Variants in MAP4K1 observed in about 807,000 individuals in gnomAD.
MAP4K1 encodes MAPK/ERK kinase kinase kinase 1.
A neutral mutation model predicts 122.8 loss-of-function variants in MAP4K1; 35 were observed. That is an observed-to-expected ratio of 0.29 (90% CI 0.22 to 0.38). The LOEUF (loss-of-function observed/expected upper bound fraction) is 0.38. Among genes scored for constraint, MAP4K1 ranks in the 10% least tolerant of loss-of-function variants. The pLI, the probability that MAP4K1 is intolerant of heterozygous loss-of-function variation, is 1.00. For synonymous variants in MAP4K1, 412 were observed against 421.3 expected (o/e 0.98, Z 0.27); for missense variants, 791 against 1,072.6 (o/e 0.74, Z 3.67).
At chr19:38,604,128 CAAAAA>C (rs200072842) in intron 19 of MAP4K1, among the ~76,000 whole-genome samples, 5 of 53,522 alleles carry the variant, frequency 9.3e-5, no homozygotes, top group South Asian at 4.9e-4. Flanking sequence ...GATACTATCT[CAAAAA>C]AAAAAAAAAA....
chr19:38,601,725 TTG>T, intron 19 of MAP4K1, 200 bp from the exon 20 acceptor site: 4 of 554,896 alleles, frequency 7.2e-6, no homozygotes, highest in East Asian at 3.3e-5. Context: ...TTGTTTTTTT[TTG>T]TTGTTGTTAT....
chr19:38,603,195 CATAT>C (rs1345349858), intron 19 of MAP4K1, among the ~76,000 whole-genome samples: 2 of 147,600 alleles, frequency 1.4e-5, no homozygotes, highest in Admixed American at 6.8e-5. Flanking sequence ...TACGCATATA[CATAT>C]ATACACATAC....
rs2287731 is a variant in MAP4K1 at position 38,611,239 on chromosome 19, G to A, written c.728+4C>T. On this transcript the variant is annotated splice_donor_region_variant and intron_variant, in intron 10 of 30. Transcript: ENST00000396857. ...TCACCCTCCCTCCTGTTACTCTCTC[G>A]TACCATTTGCCTTTTTCCTTCAGTC... 0.048 allele frequency: 77,178 copies of A among 1,611,278 alleles called. 5,241 individuals are homozygous for A. The highest frequency in any genetic ancestry group is 0.26 in the East Asian group (11,458 of 44,772).
chr19:38,589,659 C>T (rs1974646257), intron 30 of MAP4K1, among the ~76,000 whole-genome samples: 1 of 152,100 alleles, frequency 6.6e-6, no homozygotes, highest in Admixed American at 6.6e-5. Flanking sequence ...AGGTGATCCA[C>T]CTGCCTCGGC....
At position 38,587,812 on chromosome 19, in the gene MAP4K1, A is replaced by G; in HGVS notation, c.2402T>C (p.Val801Ala). The G allele has an allele frequency of 1.3e-6, 2 of 1,588,944 alleles. No individual in the cohort carries two copies. Among genetic ancestry groups the G allele is most frequent in the Non-Finnish European group, 1.7e-6 (2 of 1,159,270 alleles). Reference sequence around the variant, plus strand: ...ATCCACTGGGCGTGTCTCCACCACTACAGGCCTGTGGAAGGAAGAGATAAG... The same window carrying G: ...ATCCACTGGGCGTGTCTCCACCACTGCAGGCCTGTGGAAGGAAGAGATAAG... ...TFRLLGSPRP[V>A]VVETRPVDDP... is the part of the protein sequence containing the mutation. The change falls in exon 31 of 31, where the codon GTA (valine) becomes GCA (alanine). Residue 801 changes from valine (V) to alanine (A), a missense_variant. Physicochemically the swap from Val to Ala is moderately conservative, Grantham distance 64. Around this residue, in one of 4 missense-constraint regions of MAP4K1, gnomAD observed 267 missense variants for 323.0 expected, o/e 0.83. Coordinates refer to ENST00000396857, the MANE Select transcript of MAP4K1 (RefSeq NM_001042600.3).
In MAP4K1 at chr19:38,608,167, C is replaced by T. The variant is rs868330468; in HGVS notation, c.1010G>A (p.Arg337Gln). 8.0e-6 allele frequency: 12 copies of T among 1,505,994 alleles called. No individual in the cohort carries two copies. The highest frequency in any genetic ancestry group is 2.8e-5 in the African/African-American group (2 of 70,800). The allele number at this position is 1,505,994 out of a possible 1,614,324, so 93.3% of individuals were successfully genotyped here. A position where few individuals can be genotyped will look rare whatever the true frequency, so the allele number is the denominator to read the frequency against. ...LGIPDADCCRRHMEFRKLRGM... is the reference protein window; with the variant it reads ...LGIPDADCCRQHMEFRKLRGM... ...TCGGAGCTTCCTGAACTCCATGTGC[C>T]GCCCTAGGGTGGGTGGGGGAAGATA... The change falls in exon 14 of 31, where the codon CGG becomes CAG. Residue 337 changes from arginine to glutamine, a missense_variant. By Grantham distance (43) the Arg-to-Gln change is conservative (BLOSUM62 1). Around this residue, in one of 4 missense-constraint regions of MAP4K1, gnomAD observed 303 missense variants for 344.8 expected, o/e 0.88. Transcript: ENST00000396857.
intron 4 of MAP4K1, among the ~76,000 whole-genome samples, chr19:38,615,432 T>C (rs781778116): frequency 7.4e-5 from 11 of 149,098 alleles, no homozygotes; most frequent in Non-Finnish European, 1.3e-4. Flanking sequence ...ACATGAGACA[T>C]ACAAAAGGAA....
At chr19:38,587,945 G>GT in intron 30 of MAP4K1, 128 bp from the exon 31 acceptor site, 1 of 719,454 alleles carries the variant, frequency 1.4e-6, no homozygotes, top group Non-Finnish European at 2.5e-6. Flanking sequence ...GGGCAGACAC[G>GT]GTCCCTGCCC....
rs1305043938 is a variant in MAP4K1, at chr19:38,610,031, G to A, written c.811-6C>T. ...GGCTGGGATACCAGTTGATGCTGGC[G>A]GAGGGAAGAGGTGTCCGTATCCAGA... On this transcript the variant is annotated splice_polypyrimidine_tract_variant and splice_region_variant and intron_variant, in intron 11 of 30. Coordinates refer to ENST00000396857, the MANE Select transcript of MAP4K1 (RefSeq NM_001042600.3). The A allele has an allele frequency of 1.3e-5, 21 of 1,592,344 alleles. No individual in the cohort carries two copies. Among genetic ancestry groups the A allele is most frequent in the Admixed American group, 5.0e-5 (3 of 59,938 alleles).
chr19:38,593,516 A>G (rs1046920956), intron 29 of MAP4K1, 179 bp from the exon 30 acceptor site: 3 of 461,028 alleles, frequency 6.5e-6, no homozygotes, highest in African/African-American at 6.1e-5. Flanking sequence ...CAGCCTGGCC[A>G]ACATGGCAAA....
At chr19:38,606,393 C>T (rs1325284570) in intron 16 of MAP4K1, among the ~76,000 whole-genome samples, 178 bp from the exon 17 acceptor site, 1 of 152,208 alleles carries the variant, frequency 6.6e-6, no homozygotes, top group East Asian at 1.9e-4. Context: ...GACATAGTGG[C>T]TCATGCCTGT....
chr19:38,600,886 A>C (rs772422731), intron 20 of MAP4K1, among the ~76,000 whole-genome samples: 6 of 147,028 alleles, frequency 4.1e-5, no homozygotes, highest in Non-Finnish European at 7.4e-5. Context: ...GCTCACTGCA[A>C]CTTCCGCCCC....
At chr19:38,595,161 T>C (rs1289901306) in intron 29 of MAP4K1, among the ~76,000 whole-genome samples, 1 of 150,078 alleles carries the variant, frequency 6.7e-6, no homozygotes, top group East Asian at 2.0e-4. Flanking sequence ...TGGTGGCGCA[T>C]GCCTGTAATC....
At chr19:38,591,901 G>A (rs1389876897) in intron 30 of MAP4K1, among the ~76,000 whole-genome samples, 1 of 151,652 alleles carries the variant, frequency 6.6e-6, no homozygotes, top group African/African-American at 2.4e-5. Flanking sequence ...AACCCAGTGG[G>A]TGGAGGTTGT....
At chr19:38,608,922 A>C (rs1444322700) in intron 13 of MAP4K1, among the ~76,000 whole-genome samples, 1 of 150,872 alleles carries the variant, frequency 6.6e-6, no homozygotes, top group Admixed American at 6.6e-5. Flanking sequence ...TTGAGGCTTA[A>C]GTGAGCTGTG....
intron 22 of MAP4K1, among the ~76,000 whole-genome samples, chr19:38,599,347 CAAAAAA>C (rs35011527): frequency 2.5e-5 from 1 of 39,476 alleles, no homozygotes; most frequent in Non-Finnish European, 5.6e-5. Context: ...GACTCGGTCT[CAAAAAA>C]AAAAAAAAAA....
chr19:38,599,881 C>A lies in MAP4K1; in HGVS notation c.1669+44G>T, dbSNP rs201287272. 4.2e-4 allele frequency: 667 copies of A among 1,591,624 alleles called. 2 individuals are homozygous for A. The highest frequency in any genetic ancestry group is 5.4e-4 in the Non-Finnish European group (629 of 1,159,734). Reference sequence around the variant, plus strand: ...CTTCCCAGCCCCCGAACCCTTGGACCCCTTAACTTCCGACCCCATCCCACC... The same window carrying A: ...CTTCCCAGCCCCCGAACCCTTGGACACCTTAACTTCCGACCCCATCCCACC... On this transcript the variant is annotated intron_variant, in intron 22 of 30. Transcript: ENST00000396857.
In MAP4K1 at chr19:38,595,477, G is replaced by A; in HGVS notation, c.2340+8C>T. 6.2e-7 allele frequency: 1 copy of A among 1,613,944 alleles called. No homozygotes were observed. The highest frequency in any genetic ancestry group is 8.5e-7 in the Non-Finnish European group (1 of 1,179,952). ...GCAGTGATGTGGAGTTTGGATGGAG[G>A]GGCTTACCTGATCCGAGCCTAGAGC... On this transcript the variant is annotated splice_region_variant and intron_variant, in intron 29 of 30. Transcript: ENST00000396857.
chr19:38,605,341 C>CCA, intron 19 of MAP4K1, 68 bp downstream of exon 19: 2 of 1,178,762 alleles, frequency 1.7e-6, no homozygotes, highest in Non-Finnish European at 2.4e-6. Context: ...CTGCCACCCC[C>CCA]TCCCCACCCC....
Sources: allele counts gnomAD v4.1 joint callset (sites outside exome capture counted in the v4.1 genomes callset), GRCh38; gene constraint gnomAD v4.1.1; regional missense constraint gnomAD v4.1.1; transcripts MANE v1.5; gene names NCBI Gene and HGNC (gene_info 2026-07-23, HGNC 2026-07-21).